The following ALMS1 variants were observed in gnomAD, a reference collection of about 807,000 sequenced individuals.
The protein encoded by ALMS1 is centrosome-associated protein ALMS1.
Under a neutral mutation model 352.2 loss-of-function variants are expected in ALMS1, and 271 were observed. The ratio of observed to expected loss-of-function variants is 0.77; its 90% CI spans 0.70 to 0.85. The LOEUF (loss-of-function observed/expected upper bound fraction) is 0.85, where lower values mean the gene tolerates loss of function less well. ALMS1 is among the 40% of genes least tolerant of loss of function. The pLI is 0.00. For missense variants in ALMS1, 5,445 were observed against 4,870.7 expected, an observed-to-expected ratio of 1.12 and a Z score of -3.51; for synonymous variants, 1,865 against 1,761.2, an observed-to-expected ratio of 1.06 and a Z score of -1.48.
chr2:73,566,714 G>A (rs1318507222), intron 15 of ALMS1, among the ~76,000 whole-genome samples: 1 of 152,102 alleles, frequency 6.6e-6, no homozygotes, highest in Non-Finnish European at 1.5e-5. Context: ...CAGGTTATGG[G>A]TTCAGTCCCA....
At chr2:73,561,179 A>G (rs920854943) in intron 15 of ALMS1, among the ~76,000 whole-genome samples, 4 of 152,262 alleles carry the variant, frequency 2.6e-5, no homozygotes, top group African/African-American at 4.8e-5. Context: ...AACCTTCACT[A>G]TGGTGCCCAG....
At chr2:73,603,857 C>G (rs1422621033) in intron 21 of ALMS1, 3 of 152,696 alleles carry the variant, frequency 2.0e-5, no homozygotes, top group Non-Finnish European at 4.4e-5. Context: ...GAGACTCCAT[C>G]TCAAAAAAAT....
At position 73,572,962 on chromosome 2, in the gene ALMS1, C is replaced by T; in HGVS notation, c.11085C>T (p.Ser3695=). Residue 3695 remains serine, a synonymous_variant, in exon 16 of 23, where the codon AGC becomes AGT. Coordinates refer to ENST00000613296, the MANE Select transcript of ALMS1 (RefSeq NM_001378454.1). ...AAAATACAGGCGAGCTTAAAAAAAG[C>T]AAGGTGCTTTCTCATCATCGAGCTG... is the stretch of plus-strand genomic sequence containing the variant. ...SHKNTGELKK[S]KVLSHHRAGR... 2.5e-6 allele frequency: 4 copies of T among 1,614,068 alleles called. No homozygotes were observed. The highest frequency in any genetic ancestry group is 3.4e-6 in the Non-Finnish European group (4 of 1,179,992).
chr2:73,473,014 C>A (rs1300378148), intron 9 of ALMS1, among the ~76,000 whole-genome samples: 1 of 152,024 alleles, frequency 6.6e-6, no homozygotes, highest in East Asian at 1.9e-4. Flanking sequence ...AAAGGAGATA[C>A]GGGGTGGTAT....
intron 20 of ALMS1, 95 bp from the exon 21 acceptor site, chr2:73,603,146 G>A: frequency 8.5e-7 from 1 of 1,178,350 alleles, no homozygotes; most frequent in East Asian, 2.4e-5. Context: ...TCAGGGTAGG[G>A]GCACCAAGTC....
At chr2:73,474,758 T>C (rs1672548748) in intron 9 of ALMS1, among the ~76,000 whole-genome samples, 1 of 152,160 alleles carries the variant, frequency 6.6e-6, no homozygotes, top group African/African-American at 2.4e-5. Context: ...AAAAGACATA[T>C]TTTAGCTAAC....
chr2:73,517,161 T>C (rs902223470), intron 10 of ALMS1, among the ~76,000 whole-genome samples: 8 of 151,934 alleles, frequency 5.3e-5, no homozygotes, highest in African/African-American at 1.9e-4. Flanking sequence ...TTTTGTGATA[T>C]ATTCTAGATA....
intron 2 of ALMS1, among the ~76,000 whole-genome samples, chr2:73,409,800 A>T (rs57552430): frequency 0.029 from 4,369 of 152,264 alleles, 216 homozygotes; most frequent in African/African-American, 0.098. Context: ...TTATGTGATC[A>T]TGAAGACTGA....
intron 13 of ALMS1, among the ~76,000 whole-genome samples, chr2:73,552,028 A>T (rs907002197): frequency 6.6e-6 from 1 of 152,152 alleles, no homozygotes; most frequent in Non-Finnish European, 1.5e-5. Context: ...AGAAAAATAA[A>T]TGAGATCTGC....
chr2:73,568,961 A>T (rs1258439749), intron 15 of ALMS1, among the ~76,000 whole-genome samples: 1 of 139,042 alleles, frequency 7.2e-6, no homozygotes, highest in Non-Finnish European at 1.5e-5. Context: ...CTTTATACTT[A>T]AGGAATTCAG....
At chr2:73,515,001 A>G (rs1008370269) in intron 10 of ALMS1, among the ~76,000 whole-genome samples, 3 of 152,120 alleles carry the variant, frequency 2.0e-5, no homozygotes, top group Non-Finnish European at 4.4e-5. Flanking sequence ...GTTTTGGAAA[A>G]TTCTTACCCA....
At chr2:73,589,505 C>T (rs924023225) in intron 16 of ALMS1, among the ~76,000 whole-genome samples, 1 of 152,132 alleles carries the variant, frequency 6.6e-6, no homozygotes, top group Non-Finnish European at 1.5e-5. Context: ...TCTGTCTCCC[C>T]ATAGGAAACC....
intron 9 of ALMS1, among the ~76,000 whole-genome samples, chr2:73,487,575 G>C (rs2103883916): frequency 6.6e-6 from 1 of 152,246 alleles, no homozygotes; most frequent in Non-Finnish European, 1.5e-5. Flanking sequence ...TCTTCTTCTT[G>C]TTCCCTGCAA....
At chr2:73,390,892 T>A (rs1037227346) in intron 1 of ALMS1, among the ~76,000 whole-genome samples, 4 of 151,964 alleles carry the variant, frequency 2.6e-5, no homozygotes, top group African/African-American at 9.7e-5. Flanking sequence ...TGCCTCAGCC[T>A]CCGCAGTAGC....
intron 10 of ALMS1, among the ~76,000 whole-genome samples, chr2:73,493,971 C>G (rs1289391110): frequency 6.6e-6 from 1 of 152,170 alleles, no homozygotes; most frequent in African/African-American, 2.4e-5. Context: ...TAGGTTGTCT[C>G]AGAACGTTGC....
chr2:73,425,155 T>C (rs1190412957), intron 5 of ALMS1, among the ~76,000 whole-genome samples: 1 of 152,142 alleles, frequency 6.6e-6, no homozygotes, highest in African/African-American at 2.4e-5. Flanking sequence ...GGAAAAGGGG[T>C]TCCCTTGACT....
chr2:73,575,412 G>A (rs552789486), intron 16 of ALMS1, among the ~76,000 whole-genome samples: 24 of 152,032 alleles, frequency 1.6e-4, no homozygotes, highest in African/African-American at 2.4e-4. Flanking sequence ...TTTCCACAGC[G>A]ACTGCTTTAG....
At position 73,609,580 on chromosome 2, in the gene ALMS1, C is replaced by G; in HGVS notation, c.12475C>G (p.Gln4159Glu). The G allele has an allele frequency of 6.2e-7, 1 of 1,614,126 alleles. No homozygotes were observed. Among genetic ancestry groups the G allele is most frequent in the East Asian group, 2.2e-5 (1 of 44,876 alleles). ...TTTTCTTCTACAGAGAGTGACCAATCAACTTCTGGGGAGAAAAGTTCCCTG... is the reference window on the plus strand; with the variant it reads ...TTTTCTTCTACAGAGAGTGACCAATGAACTTCTGGGGAGAAAAGTTCCCTG... ...AQLYKKRVTN[Q>E]LLGRKVPWD The change falls in exon 23 of 23, where the codon CAA (glutamine) becomes GAA (glutamate). Residue 4159 changes from glutamine to glutamate, a missense_variant. Physicochemically the swap from Gln to Glu is conservative, Grantham distance 29. Transcript: ENST00000613296.
intron 12 of ALMS1, among the ~76,000 whole-genome samples, chr2:73,537,498 C>A (rs114090621): frequency 6.6e-6 from 1 of 152,162 alleles, no homozygotes; most frequent in Non-Finnish European, 1.5e-5. Flanking sequence ...TGATGAAGGC[C>A]GGGAGATTTA....
Sources: allele counts gnomAD v4.1 joint callset (sites outside exome capture counted in the v4.1 genomes callset), GRCh38; gene constraint gnomAD v4.1.1; transcripts MANE v1.5; gene names NCBI Gene and HGNC (gene_info 2026-07-23, HGNC 2026-07-21).